The following LIMCH1 variants were observed in gnomAD, a reference collection of about 807,000 sequenced individuals.
The protein encoded by LIMCH1 is LIM and calponin homology domains-containing protein 1.
In LIMCH1, 113 loss-of-function variants were observed where a neutral mutation model predicts 176.5. The ratio of observed to expected loss-of-function variants is 0.64; its 90% CI spans 0.55 to 0.75. LIMCH1 has a LOEUF of 0.75. LIMCH1 is among the 30% of genes least tolerant of loss of function. The probability of loss-of-function intolerance (pLI) is 0.00; values close to 1 mark genes in which losing one functional copy is unlikely to be tolerated. For missense variants in LIMCH1, 1,674 were observed against 1,814.9 expected, an observed-to-expected ratio of 0.92 and a Z score of 1.41; for synonymous variants, 619 against 645.9, an observed-to-expected ratio of 0.96 and a Z score of 0.63.
At chr4:41,678,985 A>G (rs1322906569) in intron 23 of LIMCH1, among the ~76,000 whole-genome samples, 1 of 152,188 alleles carries the variant, frequency 6.6e-6, no homozygotes, top group African/African-American at 2.4e-5. Context: ...CCATGAGTTG[A>G]TCAACAATGA....
intron 1 of LIMCH1, among the ~76,000 whole-genome samples, chr4:41,575,657 A>G (rs1285383053): frequency 6.6e-6 from 1 of 152,228 alleles, no homozygotes; most frequent in South Asian, 2.1e-4. Context: ...TTTTTAAAAC[A>G]CATTTTGGCA....
rs778587744 is a variant in LIMCH1, at chr4:41,676,415, C to T, written c.3472C>T (p.Arg1158Cys). The T allele has an allele frequency of 9.3e-6, 15 of 1,613,762 alleles. No homozygotes were observed. In the East Asian group the frequency reaches 1.8e-4, roughly 19 times the overall value. ...KFWAWDPEEE[R>C]RRQEKWQQEQ... ...CTGGGCATGGGACCCAGAAGAGGAG[C>T]GCAGGCGACAGGAAAAATGGCAACA... The change falls in exon 23 of 32, where the codon CGC becomes TGC. Residue 1158 changes from arginine to cysteine, a missense_variant. This residue lies in a region of LIMCH1 where 1,015 missense variants were observed against 1,102.5 expected (regional missense o/e 0.92). Transcript: ENST00000503057.
chr4:41,610,120 A>C (rs10938153), intron 4 of LIMCH1, among the ~76,000 whole-genome samples: 85,288 of 152,120 alleles, frequency 0.56, 28,997 homozygotes, highest in Non-Finnish European at 0.73. Context: ...ACAGCCGTGA[A>C]TATAACGGCC....
At chr4:41,652,568 C>A (rs991510176) in intron 18 of LIMCH1, among the ~76,000 whole-genome samples, 1 of 152,188 alleles carries the variant, frequency 6.6e-6, no homozygotes, top group Non-Finnish European at 1.5e-5. Context: ...TTAACTTATG[C>A]TGTTAAAATT....
intron 1 of LIMCH1, among the ~76,000 whole-genome samples, chr4:41,393,991 C>T (rs1301688851): frequency 6.6e-6 from 1 of 152,106 alleles, no homozygotes; most frequent in South Asian, 2.1e-4. Context: ...CATAAAATAT[C>T]CTTGTGTCTG....
intron 1 of LIMCH1, among the ~76,000 whole-genome samples, chr4:41,413,168 A>G (rs2059631710): frequency 6.6e-6 from 1 of 152,068 alleles, no homozygotes; most frequent in Non-Finnish European, 1.5e-5. Flanking sequence ...TTTGTCTTAA[A>G]AAAACTAACA....
intron 1 of LIMCH1, among the ~76,000 whole-genome samples, chr4:41,372,493 GT>G (rs1346595681): frequency 6.6e-6 from 1 of 152,186 alleles, no homozygotes; most frequent in East Asian, 1.9e-4. Context: ...GATATTAATA[GT>G]TTGGGCAGAT....
intron 13 of LIMCH1, among the ~76,000 whole-genome samples, chr4:41,637,677 AC>A (rs2093648912): frequency 6.6e-6 from 1 of 152,168 alleles, no homozygotes; most frequent in East Asian, 1.9e-4. Context: ...GGCCATTTCA[AC>A]AGAGATTTGG....
At chr4:41,696,484 A>G (rs775360126) in intron 31 of LIMCH1, among the ~76,000 whole-genome samples, 2 of 152,248 alleles carry the variant, frequency 1.3e-5, no homozygotes, top group Non-Finnish European at 2.9e-5. Context: ...GGTTTACCAG[A>G]TAAAATATAA....
intron 1 of LIMCH1, among the ~76,000 whole-genome samples, chr4:41,584,038 G>T (rs925437540): frequency 1.3e-5 from 2 of 151,962 alleles, no homozygotes; most frequent in African/African-American, 4.8e-5. Context: ...TATTGACATG[G>T]CTCTTTGCAC....
intron 1 of LIMCH1, among the ~76,000 whole-genome samples, chr4:41,578,332 A>T (rs904336416): frequency 1.3e-5 from 2 of 152,202 alleles, no homozygotes; most frequent in South Asian, 4.1e-4. Context: ...AACAGCGTAG[A>T]GGAAACTGCC....
chr4:41,650,995 C>CTATGT (rs2094271165), intron 18 of LIMCH1, among the ~76,000 whole-genome samples: 2 of 150,808 alleles, frequency 1.3e-5, no homozygotes, highest in African/African-American at 2.5e-5. Context: ...TCAGATTTCC[C>CTATGT]TATTTTATTT....
At position 41,682,834 on chromosome 4, in the gene LIMCH1, G is replaced by A. The variant is rs998086156; in HGVS notation, c.3845+374G>A. Among the ~76,000 whole-genome samples, 8 of 151,888 alleles carry A rather than the reference G, an allele frequency of 5.3e-5. No individual in the cohort carries two copies. The South Asian group carries it at 1.5e-3, about 28-fold the overall frequency. ...TGGGACTACAGGTGCGTGCCACCAC[G>A]CCCAGCTAATTTTTGTATTTTTAGT... On this transcript the variant is annotated intron_variant, in intron 26 of 31. Transcript: ENST00000503057.
At chr4:41,657,573 C>T (rs900265748) in intron 18 of LIMCH1, among the ~76,000 whole-genome samples, 3 of 152,120 alleles carry the variant, frequency 2.0e-5, no homozygotes, top group African/African-American at 7.2e-5. Context: ...AATGTATATC[C>T]TTCTTTTTCT....
At chr4:41,454,295 T>C (rs2064260057) in intron 1 of LIMCH1, among the ~76,000 whole-genome samples, 1 of 152,224 alleles carries the variant, frequency 6.6e-6, no homozygotes, top group Admixed American at 6.5e-5. Flanking sequence ...GTGATTCTCT[T>C]TGATCACTGT....
chr4:41,632,440 G>GA (rs1275666315), intron 10 of LIMCH1, among the ~76,000 whole-genome samples: 1 of 151,768 alleles, frequency 6.6e-6, no homozygotes, highest in Non-Finnish European at 1.5e-5. Flanking sequence ...GGATGGTGGG[G>GA]ATCTGGGGTG....
At position 41,646,517 on chromosome 4, in the gene LIMCH1, A is replaced by C. The variant is rs749214087; in HGVS notation, c.2444A>C (p.Tyr815Ser). Reference sequence around the variant, plus strand: ...AGAGAGAGAGAGCTGCATGAAGCATATAAGAACGCTCGGTCCCAGGAGGAG... The same window carrying C: ...AGAGAGAGAGAGCTGCATGAAGCATCTAAGAACGCTCGGTCCCAGGAGGAG... ...ERRERELHEA[Y>S]KNARSQEEAE... is the part of the protein sequence containing the mutation. Residue 815 changes from tyrosine (Y) to serine (S), a missense_variant, in exon 17 of 32, where the codon TAT (tyrosine) becomes TCT (serine). This residue lies in a region of LIMCH1 where 1,015 missense variants were observed against 1,102.5 expected (regional missense o/e 0.92). Transcript: ENST00000503057. 1 of 1,614,024 alleles carries C rather than the reference A, an allele frequency of 6.2e-7. No individual in the cohort carries two copies. The highest frequency in any genetic ancestry group is 1.7e-5 in the Admixed American group (1 of 60,004).
chr4:41,423,113 A>G (rs1293390725), intron 1 of LIMCH1, among the ~76,000 whole-genome samples: 1 of 152,186 alleles, frequency 6.6e-6, no homozygotes, highest in East Asian at 1.9e-4. Context: ...AAATCAATGA[A>G]TGCCCTTCTG....
Position 41,680,079 on chromosome 4 carries a change from A to C in LIMCH1, c.3593A>C (p.Glu1198Ala), listed in dbSNP as rs1454709474. Residue 1198 changes from glutamate to alanine, a missense_variant, in exon 24 of 32, where the codon GAA becomes GCA. Around this residue, in one of 3 missense-constraint regions of LIMCH1, gnomAD observed 1,015 missense variants for 1,102.5 expected, o/e 0.92. Transcript: ENST00000503057. ...EKAQKEVEEE[E>A]RRYYEEERKI... ...GCCCAAAAGGAGGTGGAAGAGGAAG[A>C]ACGCAGATACTATGAGGAGGTAGGA... The C allele has an allele frequency of 6.2e-7, 1 of 1,606,528 alleles. No individual in the cohort carries two copies. Among genetic ancestry groups the C allele is most frequent in the Admixed American group, 1.7e-5 (1 of 59,164 alleles).
Sources: allele counts gnomAD v4.1 joint callset (sites outside exome capture counted in the v4.1 genomes callset), GRCh38; gene constraint gnomAD v4.1.1; regional missense constraint gnomAD v4.1.1; transcripts MANE v1.5; gene names NCBI Gene and HGNC (gene_info 2026-07-23, HGNC 2026-07-21).